The following PLEKHM1 variants were observed in gnomAD, a reference collection of about 807,000 sequenced individuals.
PLEKHM1 encodes pleckstrin homology domain-containing family M member 1.
A neutral mutation model predicts 94.3 loss-of-function variants in PLEKHM1; 28 were observed. That is an observed-to-expected ratio of 0.30 (90% CI 0.22 to 0.41). The LOEUF is 0.41. Among genes scored for constraint, PLEKHM1 ranks in the 10% least tolerant of loss-of-function variants. The pLI, the probability that PLEKHM1 is intolerant of heterozygous loss-of-function variation, is 1.00. For synonymous variants in PLEKHM1, 424 were observed against 581.2 expected (o/e 0.73, Z 3.89); for missense variants, 907 against 1,358.6 (o/e 0.67, Z 5.22).
At chr17:45,485,815 C>T (rs1346083651) in intron 1 of PLEKHM1, among the ~76,000 whole-genome samples, 14 of 152,074 alleles carry the variant, frequency 9.2e-5, no homozygotes, top group Admixed American at 2.0e-4. Flanking sequence ...GCTACCATAC[C>T]GGCTGAGGCA....
chr17:45,472,165 G>A (rs964797406), intron 4 of PLEKHM1, among the ~76,000 whole-genome samples: 6 of 151,986 alleles, frequency 3.9e-5, no homozygotes, highest in Admixed American at 3.3e-4. Context: ...TCTAAATGTC[G>A]GTGAGAACAT....
At chr17:45,480,428 G>A (rs368615503) in intron 2 of PLEKHM1, among the ~76,000 whole-genome samples, 9 of 152,200 alleles carry the variant, frequency 5.9e-5, no homozygotes, top group African/African-American at 2.2e-4. Flanking sequence ...AGTTTGTAGT[G>A]AGTCAAGATT....
intron 4 of PLEKHM1, among the ~76,000 whole-genome samples, chr17:45,468,907 G>A (rs1170756395): frequency 1.3e-5 from 2 of 152,070 alleles, no homozygotes; most frequent in Non-Finnish European, 2.9e-5. Context: ...CAGGCTAGCT[G>A]TGGGCCTGGA....
chr17:45,474,753 G>A (rs993663470), intron 4 of PLEKHM1, among the ~76,000 whole-genome samples: 1 of 151,936 alleles, frequency 6.6e-6, no homozygotes, highest in Non-Finnish European at 1.5e-5. Flanking sequence ...GGCTGGCCTC[G>A]AACTGCTGGG....
chr17:45,479,926 T>A (rs142504010), intron 2 of PLEKHM1, among the ~76,000 whole-genome samples: 1 of 152,196 alleles, frequency 6.6e-6, no homozygotes, highest in Admixed American at 6.5e-5. Flanking sequence ...ACATAAGTGA[T>A]TGGAAAAGGA....
chr17:45,468,389 C>A lies in PLEKHM1; in HGVS notation c.1128G>T (p.Pro376=). The change falls in exon 5 of 12, where the codon CCG becomes CCT. Residue 376 remains proline, a synonymous_variant. Transcript: ENST00000430334. ...GTQDGVHVQE[P]RPQAPSPLDL... ...CCAGGGGGCTGGGCGCCTGGGGACGCGGCTCCTGCACGTGGACACCATCTT... is the reference window on the plus strand; with the variant it reads ...CCAGGGGGCTGGGCGCCTGGGGACGAGGCTCCTGCACGTGGACACCATCTT... The A allele has an allele frequency of 6.2e-7, 1 of 1,614,198 alleles. No homozygotes were observed. Among genetic ancestry groups the A allele is most frequent in the Non-Finnish European group, 8.5e-7 (1 of 1,180,042 alleles).
chr17:45,442,606 T>C (rs531545360), intron 9 of PLEKHM1, among the ~76,000 whole-genome samples: 6 of 152,208 alleles, frequency 3.9e-5, no homozygotes, highest in South Asian at 2.1e-4. Context: ...GGTTTCACTA[T>C]GTTGGCCAGG....
intron 4 of PLEKHM1, among the ~76,000 whole-genome samples, chr17:45,474,221 C>A (rs2051627065): frequency 6.6e-6 from 1 of 151,912 alleles, no homozygotes; most frequent in Non-Finnish European, 1.5e-5. Flanking sequence ...CCATGCCCAG[C>A]TAATTTTTTG....
At position 45,444,688 on chromosome 17, in the gene PLEKHM1, G is replaced by A. The variant is rs1327184569; in HGVS notation, c.2837+782C>T. ...CGGTGCCTTCGTTCATGGCCTGTGC[G>A]TGCCATTCCTTCTGTCTAGAATGCT... On this transcript the variant is annotated intron_variant, in intron 9 of 11. Transcript: ENST00000430334. The surrounding 1 kb of genome is among the most constrained non-coding windows in gnomAD (Gnocchi z 5.0). 2.0e-5 allele frequency among the ~76,000 whole-genome samples: 3 copies of A among 152,110 alleles called. No individual in the cohort carries two copies. Among genetic ancestry groups the A allele is most frequent in the Middle Eastern group, 3.2e-3 (1 of 316 alleles).
At chr17:45,455,225 C>T (rs1384063881) in intron 6 of PLEKHM1, among the ~76,000 whole-genome samples, 2 of 152,218 alleles carry the variant, frequency 1.3e-5, no homozygotes, top group African/African-American at 4.8e-5. Flanking sequence ...TCTACTGACA[C>T]TGTTTCTGAG....
At chr17:45,449,701 C>T (rs1383991882) in intron 8 of PLEKHM1, among the ~76,000 whole-genome samples, 2 of 151,294 alleles carry the variant, frequency 1.3e-5, no homozygotes, top group African/African-American at 2.4e-5. Flanking sequence ...TGCCCATCCA[C>T]CTAGCCACCT....
At chr17:45,462,755 T>C (rs1347452637) in intron 5 of PLEKHM1, among the ~76,000 whole-genome samples, 1 of 152,128 alleles carries the variant, frequency 6.6e-6, no homozygotes, top group African/African-American at 2.4e-5. Flanking sequence ...TCAAGTGGAC[T>C]GGAAGGAAGG....
chr17:45,489,949 T>C (rs923211086), intron 1 of PLEKHM1, among the ~76,000 whole-genome samples: 2 of 151,926 alleles, frequency 1.3e-5, no homozygotes, highest in African/African-American at 4.8e-5. Context: ...TCGGGACAGT[T>C]TGGCAAAGAC....
rs773696879 is a variant in PLEKHM1, at chr17:45,468,521, G to A, written c.996C>T (p.Ile332=). The change falls in exon 5 of 12, where the codon ATC becomes ATT. Residue 332 remains isoleucine (I), a synonymous_variant. Coordinates refer to ENST00000430334, the MANE Select transcript of PLEKHM1 (RefSeq NM_014798.3). ...PTNGLSQETE[I]PTPQASLSLH... Reference sequence around the variant, plus strand: ...GGGAGAGCGAGGCCTGTGGTGTGGGGATCTCTGTTTCTTGGCTCAGTCCGT... The same window carrying A: ...GGGAGAGCGAGGCCTGTGGTGTGGGAATCTCTGTTTCTTGGCTCAGTCCGT... The A allele has an allele frequency of 6.2e-7, 1 of 1,614,216 alleles. No homozygotes were observed. The highest frequency in any genetic ancestry group is 1.1e-5 in the South Asian group (1 of 91,090).
rs568772241 is a variant in PLEKHM1 at position 45,439,683 on chromosome 17, G to A, written c.2902-49C>T. ...TTCATACACCCCGTCTGCGATCTGC[G>A]GAGGGCTGGTAAACTGAGGCCCCAG... On this transcript the variant is annotated intron_variant, in intron 10 of 11. Coordinates refer to ENST00000430334, the MANE Select transcript of PLEKHM1 (RefSeq NM_014798.3). The A allele has an allele frequency of 1.1e-4, 176 of 1,609,894 alleles. 1 individual carries two copies. In the Admixed American group the frequency reaches 1.5e-3, roughly 13 times the overall value.
rs1398953808 is a variant in PLEKHM1 at position 45,439,928 on chromosome 17, C to G, written c.2901+235G>C. ...TGGGGAAAGGAGTATTCCAAACTCT[C>G]TTCCCTGTGATCCTGGGGTTGCTGG... On this transcript the variant is annotated intron_variant, in intron 10 of 11. Coordinates refer to ENST00000430334, the MANE Select transcript of PLEKHM1 (RefSeq NM_014798.3). The G allele has an allele frequency of 4.7e-6, 3 of 635,518 alleles. No homozygotes were observed. In the East Asian group the frequency reaches 8.1e-5, roughly 17 times the overall value. 39.4% of individuals were successfully genotyped at this position (635,518 alleles called of 1,614,324 possible).
chr17:45,445,595 C>A lies in PLEKHM1; in HGVS notation c.2712G>T (p.Val904=). 1.9e-6 allele frequency: 3 copies of A among 1,613,800 alleles called. No individual in the cohort carries two copies. Among genetic ancestry groups the A allele is most frequent in the Non-Finnish European group, 2.5e-6 (3 of 1,179,868 alleles). ...CCACATGCTCGTACAGAGACGCGTT[C>A]ACCATCTGCAGGTTGATGAGGGGCT... The part of the protein sequence containing the change: ...RAQPLINLQM[V]NASLYEHVER... The change falls in exon 9 of 12, where the codon GTG becomes GTT. Residue 904 remains valine (V), a synonymous_variant. Transcript: ENST00000430334. The surrounding 1 kb of genome is among the most constrained non-coding windows in gnomAD (Gnocchi z 4.2).
In PLEKHM1 at chr17:45,445,566, C is replaced by T. The variant is rs144496525; in HGVS notation, c.2741G>A (p.Arg914Gln). Reference protein sequence around the residue: ...VNASLYEHVERMHLIGRRREQ... With the variant: ...VNASLYEHVEQMHLIGRRREQ... ...CCGTCTCCTCCCAATGAGGTGCATC[C>T]GCTCCACATGCTCGTACAGAGACGC... The change falls in exon 9 of 12, where the codon CGG (arginine) becomes CAG (glutamine). Residue 914 changes from arginine to glutamine, a missense_variant. Arg to Gln is a conservative substitution (Grantham distance 43, BLOSUM62 1). Around this residue, in one of 3 missense-constraint regions of PLEKHM1, gnomAD observed 254 missense variants for 451.1 expected, o/e 0.56. Coordinates refer to ENST00000430334, the MANE Select transcript of PLEKHM1 (RefSeq NM_014798.3). This position sits in a 1 kb window ranked among gnomAD's most constrained non-coding sequence, Gnocchi z 4.2. 9.7e-5 allele frequency: 157 copies of T among 1,613,644 alleles called. No individual in the cohort carries two copies. The highest frequency in any genetic ancestry group is 1.1e-4 in the Non-Finnish European group (135 of 1,179,812).
At chr17:45,454,432 T>C in intron 6 of PLEKHM1, 160 bp from the exon 7 acceptor site, 1 of 694,064 alleles carries the variant, frequency 1.4e-6, no homozygotes, top group South Asian at 1.6e-5. Context: ...CCCTGAAAGC[T>C]GGATGGGAAC....
Sources: gnomAD v4.1 joint callset for allele counts (sites outside exome capture counted in the v4.1 genomes callset) on GRCh38, gnomAD v4.1.1 for gene constraint, gnomAD v4.1.1 regional missense constraint, Gnocchi (gnomAD v3.1) non-coding constraint, MANE v1.5 for transcripts, NCBI Gene and HGNC (gene_info 2026-07-23, HGNC 2026-07-21) for gene names.